CCT6B: variants seen among roughly 807,000 people sequenced by gnomAD.
The protein encoded by CCT6B is chaperonin containing TCP1 subunit 6B, also known as probable T-complex protein 1 subunit zeta-2.
Under a neutral mutation model 61.5 loss-of-function variants are expected in CCT6B, and 49 were observed. That is an observed-to-expected ratio of 0.80 (90% CI 0.63 to 1.01). The LOEUF (loss-of-function observed/expected upper bound fraction) is 1.01, where lower values mean the gene tolerates loss of function less well. Among genes scored for constraint, CCT6B ranks in the 50% least tolerant of loss-of-function variants. CCT6B has a pLI of 0.00. For synonymous variants in CCT6B, 228 were observed against 214.5 expected (o/e 1.06, Z -0.55); for missense variants, 666 against 634.7 (o/e 1.05, Z -0.53).
intron 10 of CCT6B, among the ~76,000 whole-genome samples, chr17:34,935,861 G>GA (rs59562273): frequency 0.22 from 30,465 of 138,160 alleles, 3,616 homozygotes; most frequent in East Asian, 0.57. Flanking sequence ...CATCTCAAAA[G>GA]AAAAAAAAAA....
At chr17:34,960,666 A>G (rs2090402811) in intron 1 of CCT6B, among the ~76,000 whole-genome samples, 1 of 152,158 alleles carries the variant, frequency 6.6e-6, no homozygotes, top group African/African-American at 2.4e-5. Flanking sequence ...TTTACCATTA[A>G]TATTATTTTG....
At chr17:34,940,988 T>C (rs1213778867) in intron 7 of CCT6B, among the ~76,000 whole-genome samples, 1 of 152,180 alleles carries the variant, frequency 6.6e-6, no homozygotes, top group Non-Finnish European at 1.5e-5. Flanking sequence ...CATTCAGTAT[T>C]CAATTTGGAA....
At chr17:34,928,236 T>C in intron 13 of CCT6B, 119 bp from the exon 14 acceptor site, 2 of 567,554 alleles carry the variant, frequency 3.5e-6, no homozygotes, top group Non-Finnish European at 3.2e-6. Context: ...TGATGTTTTA[T>C]GAGACAAGGC....
rs147103424 is a variant in CCT6B, at chr17:34,954,476, T to G, written c.460A>C (p.Thr154Pro). Residue 154 changes from threonine to proline, a missense_variant, in exon 4 of 14, where the codon ACA becomes CCA. Physicochemically the swap from Thr to Pro is conservative, Grantham distance 38. Transcript: ENST00000314144. The part of the protein sequence containing the change: ...KRKILLDVAR[T>P]SLQTKVHAEL... ...GCATGAACTTTAGTTTGTAATGATG[T>G]TCTAGCTACATCTAAGAGGATTTTT... The G allele has an allele frequency of 4.3e-6, 7 of 1,613,472 alleles. No homozygotes were observed. The highest frequency in any genetic ancestry group is 5.9e-6 in the Non-Finnish European group (7 of 1,179,782).
In CCT6B at chr17:34,928,128, A is replaced by C; in HGVS notation, c.1524-11T>G. Reference sequence around the variant, plus strand: ...GTGGCAATCACTGTGCTAAGGAAAAAGATGAGAGGGTGAGTAAAGCCTACT... The same window carrying C: ...GTGGCAATCACTGTGCTAAGGAAAACGATGAGAGGGTGAGTAAAGCCTACT... On this transcript the variant is annotated splice_polypyrimidine_tract_variant and intron_variant, in intron 13 of 13. Transcript: ENST00000314144. The C allele has an allele frequency of 6.2e-7, 1 of 1,600,854 alleles. No individual in the cohort carries two copies. Among genetic ancestry groups the C allele is most frequent in the Non-Finnish European group, 8.5e-7 (1 of 1,170,622 alleles).
chr17:34,935,557 C>T (rs933198474), intron 10 of CCT6B, among the ~76,000 whole-genome samples: 3 of 152,020 alleles, frequency 2.0e-5, no homozygotes, highest in Non-Finnish European at 2.9e-5. Flanking sequence ...ATTTACTGTA[C>T]GAGAAAACTA....
At chr17:34,948,919 C>T (rs1005243447) in intron 5 of CCT6B, among the ~76,000 whole-genome samples, 17 of 151,702 alleles carry the variant, frequency 1.1e-4, no homozygotes, top group Admixed American at 2.6e-4. Flanking sequence ...TCTGTAGTCC[C>T]AGCTACTCAA....
At chr17:34,959,456 A>G in intron 2 of CCT6B, 131 bp downstream of exon 2, 1 of 654,992 alleles carries the variant, frequency 1.5e-6, no homozygotes, top group Non-Finnish European at 2.6e-6. Context: ...TTGAGGTCTA[A>G]TTCAACAGTC....
intron 11 of CCT6B, among the ~76,000 whole-genome samples, chr17:34,931,460 T>C (rs1301134240): frequency 6.6e-6 from 1 of 152,152 alleles, no homozygotes; most frequent in Non-Finnish European, 1.5e-5. Flanking sequence ...ACCAGAATAT[T>C]TGCAGCACCT....
chr17:34,933,212 G>A (rs1020043680), intron 10 of CCT6B, among the ~76,000 whole-genome samples: 2 of 152,160 alleles, frequency 1.3e-5, no homozygotes, highest in Non-Finnish European at 2.9e-5. Flanking sequence ...ACTCAATGAA[G>A]TATTTGTTTT....
chr17:34,960,574 G>A (rs529367013), intron 1 of CCT6B, among the ~76,000 whole-genome samples: 1 of 152,110 alleles, frequency 6.6e-6, no homozygotes, highest in Non-Finnish European at 1.5e-5. Context: ...TACCACATCC[G>A]TCTCTACCAC....
intron 6 of CCT6B, 73 bp downstream of exon 6, chr17:34,942,723 G>T (rs942150543): frequency 6.7e-7 from 1 of 1,482,396 alleles, no homozygotes; most frequent in Non-Finnish European, 9.2e-7. Flanking sequence ...CCAAACATCT[G>T]GAAGGAAAAA....
intron 10 of CCT6B, among the ~76,000 whole-genome samples, chr17:34,938,256 A>G (rs768000669): frequency 2.0e-5 from 3 of 152,178 alleles, no homozygotes; most frequent in Non-Finnish European, 4.4e-5. Context: ...CAAAGGGCAA[A>G]TAAACACATT....
intron 10 of CCT6B, among the ~76,000 whole-genome samples, chr17:34,934,239 T>C (rs2090069995): frequency 2.0e-5 from 3 of 150,614 alleles, no homozygotes; most frequent in Admixed American, 6.6e-5. Context: ...AAATGACAAA[T>C]GTCAGAAATG....
At chr17:34,960,556 T>C (rs1253988277) in intron 1 of CCT6B, among the ~76,000 whole-genome samples, 1 of 152,222 alleles carries the variant, frequency 6.6e-6, no homozygotes, top group Non-Finnish European at 1.5e-5. Flanking sequence ...AATTAGCACA[T>C]CCTACTCTAC....
chr17:34,946,653 C>T (rs1445416779), intron 5 of CCT6B, among the ~76,000 whole-genome samples: 1 of 152,038 alleles, frequency 6.6e-6, no homozygotes, highest in African/African-American at 2.4e-5. Flanking sequence ...ATGCAAACTA[C>T]CTAAATGCCA....
chr17:34,950,928 CAA>C (rs773347367), intron 5 of CCT6B, among the ~76,000 whole-genome samples: 17 of 96,610 alleles, frequency 1.8e-4, no homozygotes, highest in Non-Finnish European at 1.5e-4. Context: ...GACTCCATCT[CAA>C]AAAAAAAAAA....
At chr17:34,943,867 A>G (rs1298767464) in intron 5 of CCT6B, 2 of 151,668 alleles carry the variant, frequency 1.3e-5, no homozygotes, top group African/African-American at 4.8e-5. Context: ...CCTGGGTAGT[A>G]GGAATATAGA....
chr17:34,956,002 T>C (rs1257322283), intron 3 of CCT6B, among the ~76,000 whole-genome samples: 1 of 152,152 alleles, frequency 6.6e-6, no homozygotes, highest in Non-Finnish European at 1.5e-5. Context: ...ATCCAGACTA[T>C]CATGAAAACC....
Sources: allele counts gnomAD v4.1 joint callset (sites outside exome capture counted in the v4.1 genomes callset), GRCh38; gene constraint gnomAD v4.1.1; transcripts MANE v1.5; gene names NCBI Gene and HGNC (gene_info 2026-07-23, HGNC 2026-07-21).